The following LRP1B variants were observed in gnomAD, a reference collection of about 807,000 sequenced individuals.
The protein encoded by LRP1B is LDL receptor related protein 1B.
In LRP1B, 217 loss-of-function variants were observed where a neutral mutation model predicts 556.6. The observed-to-expected ratio is 0.39, with a 90% CI of 0.35 to 0.44. LRP1B has a LOEUF of 0.44. Ranked by LOEUF, LRP1B falls within the 20% of genes least tolerant of loss-of-function variation. The probability of loss-of-function intolerance (pLI) is 1.00; values close to 1 mark genes in which losing one functional copy is unlikely to be tolerated. For synonymous variants in LRP1B, 2,047 were observed against 1,865.8 expected (o/e 1.10, Z -2.50); for missense variants, 5,053 against 5,620.8 (o/e 0.90, Z 3.23).
chr2:140,694,441 A>G (rs1270248253), intron 41 of LRP1B, among the ~76,000 whole-genome samples: 7 of 152,152 alleles, frequency 4.6e-5, no homozygotes, highest in Admixed American at 2.6e-4. Flanking sequence ...TTTAAATACC[A>G]TTGTCTTCCT....
At chr2:140,601,723 A>T in intron 41 of LRP1B, 84 bp from the exon 42 acceptor site, 1 of 767,334 alleles carries the variant, frequency 1.3e-6, no homozygotes, top group Non-Finnish European at 1.9e-6. Flanking sequence ...TAAGACATAC[A>T]TGTATACCTG....
At chr2:141,698,356 G>C (rs1691808251) in intron 2 of LRP1B, among the ~76,000 whole-genome samples, 1 of 151,850 alleles carries the variant, frequency 6.6e-6, no homozygotes, top group East Asian at 2.0e-4. Context: ...TGTACAGGAT[G>C]CTCAGAAAAC....
chr2:140,267,216 C>T (rs1302891877), intron 86 of LRP1B, among the ~76,000 whole-genome samples: 1 of 152,054 alleles, frequency 6.6e-6, no homozygotes, highest in African/African-American at 2.4e-5. Flanking sequence ...TTTATAGAGA[C>T]TCAGATTATT....
intron 81 of LRP1B, among the ~76,000 whole-genome samples, chr2:140,322,784 C>A (rs1292108070): frequency 6.6e-6 from 1 of 151,938 alleles, no homozygotes; most frequent in East Asian, 1.9e-4. Flanking sequence ...AAAGGGCACC[C>A]AGGTAGCTGA....
At chr2:140,772,068 C>G (rs1251110900) in intron 33 of LRP1B, among the ~76,000 whole-genome samples, 1 of 152,170 alleles carries the variant, frequency 6.6e-6, no homozygotes, top group Non-Finnish European at 1.5e-5. Context: ...ACCACATTCG[C>G]TGCTCATGTC....
In LRP1B at chr2:140,823,224, GA is replaced by G. The variant is rs200982942; in HGVS notation, c.5210-9419del. Reference sequence around the variant, plus strand: ...TATAGTGTTTTCTCCTCACATTCTGGAAAAAAAAATAAAATGTATAATCTGA... The same window carrying G: ...TATAGTGTTTTCTCCTCACATTCTGGAAAAAAAATAAAATGTATAATCTGA... On this transcript the variant is annotated intron_variant, in intron 31 of 90. Coordinates refer to ENST00000389484, the MANE Select transcript of LRP1B (RefSeq NM_018557.3). Among the ~76,000 whole-genome samples the G allele has an allele frequency of 2.4e-3, 363 of 149,776 alleles. 2 individuals are homozygous for G. The highest frequency in any genetic ancestry group is 8.4e-3 in the African/African-American group (344 of 40,842).
At chr2:142,075,696 T>G (rs1705471721) in intron 1 of LRP1B, among the ~76,000 whole-genome samples, 1 of 152,058 alleles carries the variant, frequency 6.6e-6, no homozygotes, top group Non-Finnish European at 1.5e-5. Flanking sequence ...TCCTGTGCTC[T>G]CAATCTCTCT....
At chr2:141,858,237 T>C (rs1558922407) in intron 1 of LRP1B, among the ~76,000 whole-genome samples, 1 of 152,226 alleles carries the variant, frequency 6.6e-6, no homozygotes, top group African/African-American at 2.4e-5. Context: ...CCCATATTCA[T>C]GTAGAGTTGA....
chr2:141,362,707 G>T (rs985147021), intron 3 of LRP1B, among the ~76,000 whole-genome samples: 1 of 151,572 alleles, frequency 6.6e-6, no homozygotes, highest in Non-Finnish European at 1.5e-5. Flanking sequence ...GTTCACAAAA[G>T]AATTTGGTAT....
At chr2:140,238,047 T>C (rs1680788546) in intron 89 of LRP1B, 105 bp downstream of exon 89, 1 of 1,014,436 alleles carries the variant, frequency 9.9e-7, no homozygotes, top group African/African-American at 1.6e-5. Flanking sequence ...AGTCCCTTAT[T>C]CTAACTTCAG....
chr2:141,213,034 A>G (rs187492030), intron 6 of LRP1B, among the ~76,000 whole-genome samples: 1 of 152,036 alleles, frequency 6.6e-6, no homozygotes, highest in East Asian at 1.9e-4. Flanking sequence ...TGGTTCAATC[A>G]TGGCTCACTG....
chr2:141,640,262 G>A (rs951589302), intron 2 of LRP1B, among the ~76,000 whole-genome samples: 2 of 152,076 alleles, frequency 1.3e-5, no homozygotes, highest in African/African-American at 4.8e-5. Flanking sequence ...CCTAGATCTT[G>A]CACTAAAATG....
intron 77 of LRP1B, among the ~76,000 whole-genome samples, chr2:140,347,567 C>A (rs1352960418): frequency 6.6e-6 from 1 of 151,398 alleles, no homozygotes; most frequent in African/African-American, 2.4e-5. Flanking sequence ...GTTTTTGATG[C>A]AACAGATTTT....
At chr2:141,987,847 G>A (rs13027755) in intron 1 of LRP1B, among the ~76,000 whole-genome samples, 9,913 of 151,826 alleles carry the variant, frequency 0.065, 431 homozygotes, top group South Asian at 0.13. Context: ...TAAACATAGT[G>A]CCTTTCCTTT....
chr2:141,856,453 C>A (rs1698054075), intron 1 of LRP1B, among the ~76,000 whole-genome samples: 1 of 152,034 alleles, frequency 6.6e-6, no homozygotes, highest in South Asian at 2.1e-4. Flanking sequence ...AACCACTGTT[C>A]ATACAAATTT....
intron 11 of LRP1B, among the ~76,000 whole-genome samples, chr2:141,048,014 T>C (rs1192615882): frequency 6.6e-6 from 1 of 152,278 alleles, no homozygotes; most frequent in East Asian, 1.9e-4. Flanking sequence ...ATTAATTAAA[T>C]GCTGCAGTGT....
In LRP1B at chr2:140,444,629, C is replaced by T; in HGVS notation, c.10108G>A (p.Ala3370Thr). The T allele has an allele frequency of 6.2e-7, 1 of 1,613,994 alleles. No homozygotes were observed. ...GRFQCGTGLC[A>T]LPAFICDGEN... ...CCATCACAGATGAAAGCTGGTAGAG[C>T]ACAGAGTCCAGTCCCACACTGAAAT... The change falls in exon 64 of 91, where the codon GCT (alanine) becomes ACT (threonine). Residue 3370 changes from alanine to threonine, a missense_variant. Physicochemically the swap from Ala to Thr is moderately conservative, Grantham distance 58. This residue lies in a region of LRP1B where 262 missense variants were observed against 395.1 expected (regional missense o/e 0.66). Coordinates refer to ENST00000389484, the MANE Select transcript of LRP1B (RefSeq NM_018557.3).
intron 7 of LRP1B, among the ~76,000 whole-genome samples, chr2:141,095,591 AGTTCT>A (rs2104922158): frequency 1.3e-5 from 2 of 151,636 alleles, no homozygotes; most frequent in Admixed American, 1.3e-4. Flanking sequence ...GATTATATTT[AGTTCT>A]GTTCAATTTC....
At chr2:140,247,013 C>A in intron 87 of LRP1B, 73 bp downstream of exon 87, 1 of 1,072,282 alleles carries the variant, frequency 9.3e-7, no homozygotes. Flanking sequence ...TAAGACTCAT[C>A]TCACTCAATA....
Sources: gnomAD v4.1 joint callset for allele counts (sites outside exome capture counted in the v4.1 genomes callset) on GRCh38, gnomAD v4.1.1 for gene constraint, gnomAD v4.1.1 regional missense constraint, MANE v1.5 for transcripts, NCBI Gene and HGNC (gene_info 2026-07-23, HGNC 2026-07-21) for gene names.